XRCC4: variants seen among roughly 807,000 people sequenced by gnomAD.
The protein encoded by XRCC4 is DNA repair protein XRCC4.
Under a neutral mutation model 39.1 loss-of-function variants are expected in XRCC4, and 28 were observed. That is an observed-to-expected ratio of 0.72 (90% CI 0.53 to 0.98). XRCC4 has a LOEUF of 0.98. Ranked by LOEUF, XRCC4 falls within the 50% of genes least tolerant of loss-of-function variation. The pLI is 0.00. For missense variants in XRCC4, 350 were observed against 376.4 expected, an observed-to-expected ratio of 0.93 and a Z score of 0.58; for synonymous variants, 123 against 126.4, an observed-to-expected ratio of 0.97 and a Z score of 0.18.
At chr5:83,181,068 C>G (rs1247724561) in intron 3 of XRCC4, among the ~76,000 whole-genome samples, 6 of 89,366 alleles carry the variant, frequency 6.7e-5, no homozygotes, top group Non-Finnish European at 1.3e-4. Flanking sequence ...TTTTTTTTTG[C>G]GAATTCTATT....
intron 7 of XRCC4, among the ~76,000 whole-genome samples, chr5:83,293,586 G>A (rs1403810891): frequency 6.6e-6 from 1 of 151,846 alleles, no homozygotes; most frequent in Non-Finnish European, 1.5e-5. Flanking sequence ...TCCTCTTTGA[G>A]CTTGTAGGCT....
chr5:83,309,296 A>AAAAAAAAAAATATATATAT (rs1561467702), intron 7 of XRCC4, among the ~76,000 whole-genome samples: 2 of 72,226 alleles, frequency 2.8e-5, no homozygotes, highest in South Asian at 6.0e-4. Flanking sequence ...AAAAAAAAAA[A>AAAAAAAAAAATATATATAT]ATATATATAT....
At chr5:83,228,419 A>G (rs923354533) in intron 6 of XRCC4, among the ~76,000 whole-genome samples, 6 of 152,032 alleles carry the variant, frequency 3.9e-5, no homozygotes, top group Admixed American at 6.6e-5. Context: ...CCACTTGTGT[A>G]AAGGTTTTAA....
At chr5:83,161,282 T>A (rs1749197769) in intron 3 of XRCC4, among the ~76,000 whole-genome samples, 1 of 151,912 alleles carries the variant, frequency 6.6e-6, no homozygotes, top group South Asian at 2.1e-4. Context: ...GGCTAAATGC[T>A]TTTTGTTTTG....
chr5:83,191,456 G>A (rs774514029), intron 3 of XRCC4, among the ~76,000 whole-genome samples: 1 of 152,202 alleles, frequency 6.6e-6, no homozygotes, highest in Non-Finnish European at 1.5e-5. Context: ...TGTAATCTCA[G>A]CACTTTGGGA....
At chr5:83,316,501 G>C (rs1343229824) in intron 7 of XRCC4, among the ~76,000 whole-genome samples, 1 of 150,950 alleles carries the variant, frequency 6.6e-6, no homozygotes, top group East Asian at 2.0e-4. Context: ...TAAAAGGATG[G>C]AGAAAGATCT....
the XRCC4 span, among the ~76,000 whole-genome samples, chr5:83,368,487 GACTA>G: frequency 1.7e-4 from 26 of 152,278 alleles, no homozygotes; most frequent in African/African-American, 6.0e-4. Flanking sequence ...TGGTGCTGGT[GACTA>G]ACTAACCGCT....
intron 3 of XRCC4, among the ~76,000 whole-genome samples, chr5:83,122,851 T>C (rs897634483): frequency 6.6e-6 from 1 of 152,198 alleles, no homozygotes; most frequent in East Asian, 1.9e-4. Flanking sequence ...ATTACAGATA[T>C]CGTGCCAATA....
chr5:83,265,615 T>TA (rs1354796918), intron 7 of XRCC4, among the ~76,000 whole-genome samples: 9 of 152,174 alleles, frequency 5.9e-5, no homozygotes, highest in Admixed American at 1.3e-4. Flanking sequence ...GATTTGCCAA[T>TA]AAAATCAACA....
chr5:83,175,390 A>G (rs1205838106), intron 3 of XRCC4, among the ~76,000 whole-genome samples: 1 of 152,320 alleles, frequency 6.6e-6, no homozygotes, highest in African/African-American at 2.4e-5. Context: ...TATCTGGAAA[A>G]AATTTTTAAA....
rs375182033 is a variant in XRCC4 at position 83,292,096 on chromosome 5, A to G, written c.893+33419A>G. 1.2e-4 allele frequency among the ~76,000 whole-genome samples: 18 copies of G among 151,596 alleles called. No homozygotes were observed. The East Asian group carries it at 3.5e-3, about 29-fold the overall frequency. On this transcript the variant is annotated intron_variant, in intron 7 of 7. Coordinates refer to ENST00000396027, the MANE Select transcript of XRCC4 (RefSeq NM_003401.5). The stretch of plus-strand genomic sequence containing the variant: ...TTGTAGAGAAAAAAATGTAAACTTT[A>G]TTATTTCTTATAGAGCAGCATCTCA...
At chr5:83,266,055 G>A (rs1753943126) in intron 7 of XRCC4, among the ~76,000 whole-genome samples, 1 of 151,932 alleles carries the variant, frequency 6.6e-6, no homozygotes, top group Non-Finnish European at 1.5e-5. Context: ...CTTGTCATTT[G>A]AAAGACTTTG....
chr5:83,210,794 T>G (rs916470840), intron 6 of XRCC4, among the ~76,000 whole-genome samples: 2 of 152,186 alleles, frequency 1.3e-5, no homozygotes, highest in Non-Finnish European at 2.9e-5. Flanking sequence ...ATGCACATAT[T>G]TCTGTTGAAG....
At chr5:83,141,546 T>G (rs9293332) in intron 3 of XRCC4, among the ~76,000 whole-genome samples, 1 of 151,870 alleles carries the variant, frequency 6.6e-6, no homozygotes, top group Non-Finnish European at 1.5e-5. Context: ...GTTTGCATTT[T>G]TCCAATTGCG....
intron 2 of XRCC4, among the ~76,000 whole-genome samples, chr5:83,107,416 C>T (rs966347971): frequency 5.3e-5 from 8 of 151,878 alleles, no homozygotes; most frequent in Admixed American, 5.2e-4. Flanking sequence ...TTACTGCAAC[C>T]TTCAATTTGG....
At chr5:83,104,245 T>C (rs1180696116) in intron 1 of XRCC4, among the ~76,000 whole-genome samples, 2 of 152,060 alleles carry the variant, frequency 1.3e-5, no homozygotes, top group African/African-American at 4.8e-5. Flanking sequence ...AGATTTTTTT[T>C]CCCCCATTGA....
chr5:83,262,235 C>T (rs1044334659), intron 7 of XRCC4, among the ~76,000 whole-genome samples: 19 of 152,238 alleles, frequency 1.2e-4, no homozygotes, highest in Admixed American at 3.3e-4. Flanking sequence ...GCAGCACAGC[C>T]GGTGTTTTAT....
intron 1 of XRCC4, among the ~76,000 whole-genome samples, chr5:83,081,127 C>T (rs1296542846): frequency 1.3e-5 from 2 of 152,044 alleles, no homozygotes; most frequent in Non-Finnish European, 2.9e-5. Flanking sequence ...GGATATACAC[C>T]CTTGGATAAG....
At chr5:83,181,212 A>G (rs542166151) in intron 3 of XRCC4, among the ~76,000 whole-genome samples, 6 of 151,954 alleles carry the variant, frequency 3.9e-5, no homozygotes, top group African/African-American at 1.4e-4. Context: ...AACCTTCTCA[A>G]TCTTCCCTTA....
Sources: allele counts gnomAD v4.1 joint callset (sites outside exome capture counted in the v4.1 genomes callset), GRCh38; gene constraint gnomAD v4.1.1; transcripts MANE v1.5; gene names NCBI Gene and HGNC (gene_info 2026-07-23, HGNC 2026-07-21).